Variants in HINT3 observed in about 807,000 individuals in gnomAD.
HINT3 encodes the protein adenosine 5'-monophosphoramidase HINT3.
HINT3 carries 16 observed loss-of-function variants against 19.1 expected under a neutral mutation model. The ratio of observed to expected loss-of-function variants is 0.84; its 90% CI spans 0.57 to 1.27. The LOEUF is 1.27. HINT3 is among the 50% of genes most tolerant of loss of function. The probability of loss-of-function intolerance (pLI) is 0.00; values close to 1 mark genes in which losing one functional copy is unlikely to be tolerated. For missense variants in HINT3, 197 were observed against 225.8 expected (o/e 0.87, Z 0.82); for synonymous variants, 75 against 84.8 (o/e 0.88, Z 0.63).
intron 1 of HINT3, 37 bp from the exon 2 acceptor site, chr6:125,966,850 T>C (rs762807572): frequency 2.3e-5 from 32 of 1,375,128 alleles, no homozygotes; most frequent in Non-Finnish European, 3.2e-5. Context: ...TAAGAAATTC[T>C]TTTTAAAAAT....
At chr6:125,974,593 A>G (rs763851251) in intron 3 of HINT3, among the ~76,000 whole-genome samples, 1 of 152,236 alleles carries the variant, frequency 6.6e-6, no homozygotes, top group Admixed American at 6.5e-5. Flanking sequence ...ATTCATAAAG[A>G]TTATATTGAG....
rs1351618711 is a variant in HINT3 at position 125,966,873 on chromosome 6, GTTTTTTCCTT to G, written c.202-12_202-3del. Reference sequence around the variant, plus strand: ...TCTTTTTAAAAATTCACTAACAAATGTTTTTTCCTTTAGAATGAGGACCTAATTTGCTTCA... The same window carrying G: ...TCTTTTTAAAAATTCACTAACAAATGTAGAATGAGGACCTAATTTGCTTCA... On this transcript the variant is annotated splice_region_variant and splice_polypyrimidine_tract_variant and intron_variant, in intron 1 of 4. Transcript: ENST00000229633. The G allele has an allele frequency of 2.6e-6, 4 of 1,537,588 alleles. No homozygotes were observed. In the African/African-American group the frequency reaches 5.5e-5, roughly 21 times the overall value.
chr6:125,975,581 G>GTTTTTT (rs149094456), intron 4 of HINT3, among the ~76,000 whole-genome samples: 3 of 143,616 alleles, frequency 2.1e-5, no homozygotes, highest in Non-Finnish European at 3.0e-5. Context: ...TGGCTGAAGA[G>GTTTTTT]TTGTTTTTTT....
chr6:125,976,651 G>GT (rs1298192199), intron 4 of HINT3, among the ~76,000 whole-genome samples: 1 of 149,280 alleles, frequency 6.7e-6, no homozygotes, highest in Non-Finnish European at 1.5e-5. Context: ...TGTTTTGACT[G>GT]TATTTTCTTA....
chr6:125,976,240 A>G (rs990636160), intron 4 of HINT3, among the ~76,000 whole-genome samples: 2 of 152,084 alleles, frequency 1.3e-5, no homozygotes, highest in African/African-American at 2.4e-5. Flanking sequence ...GATTTCATTT[A>G]AATAATATAA....
intron 2 of HINT3, among the ~76,000 whole-genome samples, chr6:125,968,548 C>T (rs1432079923): frequency 6.6e-6 from 1 of 152,038 alleles, no homozygotes; most frequent in Admixed American, 6.6e-5. Context: ...ATTGCTGGGT[C>T]GAATGGTAGT....
chr6:125,959,054 G>A (rs1225930011), intron 1 of HINT3, among the ~76,000 whole-genome samples: 1 of 152,184 alleles, frequency 6.6e-6, no homozygotes, highest in African/African-American at 2.4e-5. Flanking sequence ...AGTGGTGGGA[G>A]GTAGCAAAGC....
chr6:125,962,195 TATATATATATATATACAC>T lies in HINT3; in HGVS notation c.202-4676_202-4659del, dbSNP rs1562212048. On this transcript the variant is annotated intron_variant, in intron 1 of 4. Transcript: ENST00000229633. ...ATATATATATATATATACACATATA[TATATATATATATATACAC>T]ATATATATATATATATATATACACA... Among the ~76,000 whole-genome samples, 440 of 48,348 alleles carry T rather than the reference TATATATATATATATACAC, an allele frequency of 9.1e-3. 43 individuals are homozygous for T. Among genetic ancestry groups the T allele is most frequent in the Middle Eastern group, 0.037 (3 of 80 alleles). The allele number at this position is 48,348 out of a possible 152,430, so 31.7% of individuals were successfully genotyped here. A position where few individuals can be genotyped will look rare whatever the true frequency, so the allele number is the denominator to read the frequency against.
intron 1 of HINT3, 93 bp from the exon 2 acceptor site, chr6:125,966,794 C>A: frequency 1.3e-6 from 1 of 769,570 alleles, no homozygotes. Flanking sequence ...TATCATTTCC[C>A]TGTCAGACTG....
chr6:125,957,225 C>T, intron 1 of HINT3, 47 bp downstream of exon 1: 2 of 1,503,028 alleles, frequency 1.3e-6, no homozygotes, highest in South Asian at 2.5e-5. Flanking sequence ...CTGGCCGCCC[C>T]TCGGAGCTCC....
intron 3 of HINT3, among the ~76,000 whole-genome samples, chr6:125,974,554 G>T (rs1264782013): frequency 6.6e-6 from 1 of 152,218 alleles, no homozygotes; most frequent in Non-Finnish European, 1.5e-5. Context: ...GATAAAGACT[G>T]AAGTGATAAG....
chr6:125,957,026 G>A lies in HINT3; in HGVS notation c.49G>A (p.Glu17Lys). The A allele has an allele frequency of 6.4e-7, 1 of 1,550,724 alleles. No individual in the cohort carries two copies. The change falls in exon 1 of 5, where the codon GAG becomes AAG. Residue 17 changes from glutamate to lysine, a missense_variant. Transcript: ENST00000229633. ...NRSAGLAPDCEASATAETTVS... is the reference protein window; with the variant it reads ...NRSAGLAPDCKASATAETTVS... ...CAGCGCCGGCCTGGCCCCCGACTGT[G>A]AGGCCTCGGCGACTGCAGAAACTAC...
chr6:125,962,213 C>CACATATATATATATATATATATACACAT (rs1379047401), intron 1 of HINT3, among the ~76,000 whole-genome samples: 1 of 36,320 alleles, frequency 2.8e-5, no homozygotes, highest in Non-Finnish European at 4.0e-5. Flanking sequence ...TATATATACA[C>CACATATATATATATATATATATACACAT]ATATATATAT....
intron 1 of HINT3, among the ~76,000 whole-genome samples, chr6:125,958,962 G>T (rs1788879658): frequency 6.6e-6 from 1 of 152,174 alleles, no homozygotes; most frequent in Admixed American, 6.5e-5. Flanking sequence ...ATGATTTCCA[G>T]GTTTCTGGCT....
intron 1 of HINT3, 38 bp downstream of exon 1, chr6:125,957,216 T>G (rs982902360): frequency 1.7e-5 from 26 of 1,517,672 alleles, no homozygotes; most frequent in Non-Finnish European, 2.2e-5. Context: ...GGTGAGGACC[T>G]GGCCGCCCCT....
In HINT3 at chr6:125,974,834, C is replaced by A; in HGVS notation, c.390-13C>A. 4 of 1,603,544 alleles carry A rather than the reference C, an allele frequency of 2.5e-6. No homozygotes were observed. In the South Asian group the frequency reaches 4.4e-5, roughly 18 times the overall value. ...AACTGGTTTGTCAATCATCTCTTTA[C>A]TTTCTATTTTAGGATGGGTTTTCAT... On this transcript the variant is annotated splice_polypyrimidine_tract_variant and intron_variant, in intron 3 of 4. Transcript: ENST00000229633.
chr6:125,960,655 T>TGCG (rs1554209589), intron 1 of HINT3, among the ~76,000 whole-genome samples: 1 of 76,212 alleles, frequency 1.3e-5, no homozygotes. Context: ...AGACTCTCTC[T>TGCG]GGGGGGGGGG....
chr6:125,958,343 G>T (rs998073768), intron 1 of HINT3, among the ~76,000 whole-genome samples: 2 of 152,228 alleles, frequency 1.3e-5, no homozygotes, highest in African/African-American at 4.8e-5. Context: ...TGGAAGTCAT[G>T]TGAAGGAATT....
At chr6:125,975,854 G>A (rs908494668) in intron 4 of HINT3, among the ~76,000 whole-genome samples, 2 of 152,174 alleles carry the variant, frequency 1.3e-5, no homozygotes, top group African/African-American at 2.4e-5. Flanking sequence ...GGGATTACAG[G>A]TGTGAGCCAC....
Sources: gnomAD v4.1 joint callset for allele counts (sites outside exome capture counted in the v4.1 genomes callset) on GRCh38, gnomAD v4.1.1 for gene constraint, MANE v1.5 for transcripts, NCBI Gene and HGNC (gene_info 2026-07-23, HGNC 2026-07-21) for gene names.